SYT14: variants seen among roughly 807,000 people sequenced by gnomAD.
SYT14 encodes synaptotagmin 14, also known as synaptotagmin-14.
A neutral mutation model predicts 74.2 loss-of-function variants in SYT14; 32 were observed. The ratio of observed to expected loss-of-function variants is 0.43; its 90% confidence interval spans 0.33 to 0.58. SYT14 has a LOEUF of 0.58. Ranked by LOEUF, SYT14 falls within the 20% of genes least tolerant of loss-of-function variation. SYT14 has a pLI of 0.05. For synonymous variants in SYT14, 298 were observed against 337.7 expected (o/e 0.88, Z 1.29); for missense variants, 791 against 981.8 (o/e 0.81, Z 2.60).
chr1:209,982,693 A>G (rs932661604), intron 2 of SYT14, among the ~76,000 whole-genome samples: 9 of 152,208 alleles, frequency 5.9e-5, no homozygotes, highest in Non-Finnish European at 1.0e-4. Context: ...TAAGTTTTCA[A>G]CTTTTTTCAG....
chr1:209,984,707 A>G (rs1159747933), intron 2 of SYT14, among the ~76,000 whole-genome samples: 1 of 152,138 alleles, frequency 6.6e-6, no homozygotes, highest in Non-Finnish European at 1.5e-5. Flanking sequence ...TGGGTAATTT[A>G]TTATAGAAAA....
intron 7 of SYT14, among the ~76,000 whole-genome samples, chr1:210,135,458 G>A (rs1468872177): frequency 6.8e-6 from 1 of 146,804 alleles, no homozygotes; most frequent in African/African-American, 2.4e-5. Flanking sequence ...TATATAGTCT[G>A]TGTCTCTTCT....
rs2080180776 is a variant in SYT14 at position 210,016,283 on chromosome 1, G to T, written c.280G>T (p.Glu94Ter). The change falls in exon 4 of 10, where the codon GAG (glutamate) becomes TAG (stop). Residue 94 changes from glutamate (E) to a stop codon, truncating the protein, a stop_gained. Coordinates refer to ENST00000637265, the Ensembl canonical transcript of SYT14. LOFTEE classifies it high-confidence loss of function. ...TTGTCAGAAAACACAAGCCAATTTA[G>T]AGCATAGAGCAAAGCAAATAAATAC... 2 of 1,231,994 alleles carry T rather than the reference G, an allele frequency of 1.6e-6. No homozygotes were observed. The highest frequency in any genetic ancestry group is 3.1e-5 in the African/African-American group (2 of 64,418). 76.3% of individuals were successfully genotyped at this position (1,231,994 alleles called of 1,614,324 possible).
intron 1 of SYT14, among the ~76,000 whole-genome samples, chr1:209,939,209 T>C (rs890804765): frequency 5.3e-5 from 8 of 152,220 alleles, no homozygotes; most frequent in Admixed American, 2.6e-4. Context: ...CCAGGCCCTG[T>C]CTCTTAGATT....
chr1:210,085,873 C>T (rs571195309), intron 5 of SYT14, among the ~76,000 whole-genome samples: 8 of 152,114 alleles, frequency 5.3e-5, no homozygotes, highest in African/African-American at 1.9e-4. Context: ...TTTTCAGGTC[C>T]TGATGTCAAG....
chr1:210,146,769 A>G (rs1013271630), intron 7 of SYT14, among the ~76,000 whole-genome samples: 5 of 148,814 alleles, frequency 3.4e-5, no homozygotes, highest in Non-Finnish European at 5.9e-5. Context: ...TATATACTAC[A>G]TATATACTAC....
At chr1:209,999,484 A>C (rs2079855186) in intron 2 of SYT14, among the ~76,000 whole-genome samples, 1 of 152,180 alleles carries the variant, frequency 6.6e-6, no homozygotes, top group Non-Finnish European at 1.5e-5. Flanking sequence ...TCACAATAGC[A>C]GAGATATGAA....
At chr1:209,947,702 C>A (rs1425783702) in intron 1 of SYT14, among the ~76,000 whole-genome samples, 2 of 152,186 alleles carry the variant, frequency 1.3e-5, no homozygotes, top group East Asian at 3.8e-4. Flanking sequence ...GATAAAGAAA[C>A]TGTAGGGTTT....
intron 7 of SYT14, among the ~76,000 whole-genome samples, chr1:210,111,968 T>C (rs1339306383): frequency 6.6e-6 from 1 of 151,060 alleles, no homozygotes; most frequent in Admixed American, 6.6e-5. Context: ...TTGAGGGTGG[T>C]AAGGGGCATG....
intron 5 of SYT14, among the ~76,000 whole-genome samples, chr1:210,051,707 A>G (rs948679602): frequency 6.6e-6 from 1 of 152,222 alleles, no homozygotes; most frequent in Non-Finnish European, 1.5e-5. Flanking sequence ...AAACCACTCC[A>G]TATGAATTCA....
chr1:210,021,239 G>A, exon 5 of SYT14: 1 of 1,613,838 alleles, frequency 6.2e-7, no homozygotes, highest in African/African-American at 1.3e-5. Context: ...CAGTAGTGAA[G>A]CATCAATAGA....
In SYT14 at chr1:209,958,577, A is replaced by G. The variant is rs531018115; in HGVS notation, c.-486+5821A>G. On this transcript the variant is annotated intron_variant, in intron 2 of 9. Transcript: ENST00000637265. ...TCAATAAGGTTTTGAAAATTCCTCT[A>G]TAATGATCTTGCATTTTTTTAGATT... Among the ~76,000 whole-genome samples the G allele has an allele frequency of 1.3e-4, 20 of 152,284 alleles. No homozygotes were observed. The South Asian group carries it at 3.9e-3, about 30-fold the overall frequency.
intron 5 of SYT14, among the ~76,000 whole-genome samples, chr1:210,071,345 G>A (rs999733995): frequency 2.3e-4 from 20 of 86,910 alleles, no homozygotes; most frequent in African/African-American, 6.7e-4. Flanking sequence ...CCTTATAGAA[G>A]GAGTAATATG....
At chr1:209,999,107 C>T (rs899137720) in intron 2 of SYT14, among the ~76,000 whole-genome samples, 1 of 151,928 alleles carries the variant, frequency 6.6e-6, no homozygotes, top group Non-Finnish European at 1.5e-5. Context: ...TAAATAATCC[C>T]ATTAAAAAGT....
intron 5 of SYT14, among the ~76,000 whole-genome samples, chr1:210,052,728 A>G (rs1406855800): frequency 1.3e-5 from 2 of 149,812 alleles, no homozygotes; most frequent in African/African-American, 4.9e-5. Context: ...GCAATTTATT[A>G]AATATTAAAG....
chr1:209,973,035 G>GT (rs1488795207), intron 2 of SYT14, among the ~76,000 whole-genome samples: 17 of 152,092 alleles, frequency 1.1e-4, no homozygotes, highest in Admixed American at 1.1e-3. Flanking sequence ...TCAGTGTTGG[G>GT]TGTGTATGTA....
chr1:210,024,643 G>A (rs139745399), intron 5 of SYT14, among the ~76,000 whole-genome samples: 12 of 152,282 alleles, frequency 7.9e-5, no homozygotes, highest in East Asian at 7.7e-4. Flanking sequence ...TCATGAATGC[G>A]TTTCAGGGAG....
chr1:210,073,044 A>G (rs369768720), intron 5 of SYT14, among the ~76,000 whole-genome samples: 27 of 151,066 alleles, frequency 1.8e-4, no homozygotes, highest in East Asian at 1.4e-3. Context: ...TTGCATTGCA[A>G]TTCAACACAT....
chr1:210,111,568 G>A (rs562982779), intron 7 of SYT14, among the ~76,000 whole-genome samples: 5 of 151,320 alleles, frequency 3.3e-5, no homozygotes, highest in East Asian at 1.9e-4. Context: ...TGCTTCGAGC[G>A]GGATTAGGTT....
Sources: gnomAD v4.1 joint callset for allele counts (sites outside exome capture counted in the v4.1 genomes callset) on GRCh38, gnomAD v4.1.1 for gene constraint, MANE v1.5 for transcripts, NCBI Gene and HGNC (gene_info 2026-07-23, HGNC 2026-07-21) for gene names.